CEMIP2: variants seen among roughly 807,000 people sequenced by gnomAD.
CEMIP2 encodes cell migration inducing hyaluronidase 2.
Under a neutral mutation model 146.9 loss-of-function variants are expected in CEMIP2, and 79 were observed. The ratio of observed to expected loss-of-function variants is 0.54; its 90% confidence interval spans 0.45 to 0.65. The LOEUF is 0.65. Among genes scored for constraint, CEMIP2 ranks in the 30% least tolerant of loss-of-function variants. CEMIP2 has a pLI of 0.00. For synonymous variants in CEMIP2, 601 were observed against 606.3 expected (o/e 0.99, Z 0.13); for missense variants, 1,596 against 1,696.2 (o/e 0.94, Z 1.04).
intron 9 of CEMIP2, 35 bp from the exon 10 acceptor site, chr9:71,729,949 T>G: frequency 6.2e-7 from 1 of 1,613,664 alleles, no homozygotes; most frequent in Non-Finnish European, 8.5e-7. Context: ...TTAAACATTC[T>G]TCATAAAAAC....
rs1563988894 is a variant in CEMIP2 at position 71,685,160 on chromosome 9, A to T, written c.*37T>A. The T allele has an allele frequency of 1.1e-5, 17 of 1,518,196 alleles. No homozygotes were observed. The highest frequency in any genetic ancestry group is 1.5e-5 in the Non-Finnish European group (17 of 1,125,606). 94.0% of individuals were successfully genotyped at this position (1,518,196 alleles called of 1,614,324 possible). On this transcript the variant is annotated 3_prime_UTR_variant, in exon 24 of 24. Coordinates refer to ENST00000377044, the MANE Select transcript of CEMIP2 (RefSeq NM_013390.3). ...CCATAAATTAAATAAGTTAGTTCACATTTTTTTTCCCCCAGCACTTAAGTT... is the reference window on the plus strand; with the variant it reads ...CCATAAATTAAATAAGTTAGTTCACTTTTTTTTTCCCCCAGCACTTAAGTT...
chr9:71,718,102 T>A (rs890087010), intron 12 of CEMIP2, 23 bp from the exon 13 acceptor site: 2 of 1,586,160 alleles, frequency 1.3e-6, no homozygotes, highest in Non-Finnish European at 1.7e-6. Flanking sequence ...AAAAGAATTT[T>A]AAAAAATATA....
intron 1 of CEMIP2, among the ~76,000 whole-genome samples, chr9:71,765,398 C>T (rs966628535): frequency 6.6e-6 from 1 of 152,190 alleles, no homozygotes; most frequent in Non-Finnish European, 1.5e-5. Flanking sequence ...ATCCCCAAAA[C>T]ATTCCCATAA....
chr9:71,710,890 C>G (rs1439774808), intron 16 of CEMIP2, among the ~76,000 whole-genome samples: 4 of 152,212 alleles, frequency 2.6e-5, no homozygotes, highest in African/African-American at 9.6e-5. Flanking sequence ...TGCCTCTGAT[C>G]CACACCCAAG....
Position 71,716,546 on chromosome 9 carries a change from T to G in CEMIP2, c.2406A>C (p.Ala802=). The change falls in exon 14 of 24, where the codon GCA becomes GCC. Residue 802 remains alanine, a synonymous_variant. Transcript: ENST00000377044. ...CAAAGGTCAGTCCTATTCCATTATCTGCAAATCTGTAAAAGAAGAGAGAAT... is the reference window on the plus strand; with the variant it reads ...CAAAGGTCAGTCCTATTCCATTATCGGCAAATCTGTAAAAGAAGAGAGAAT... The part of the protein sequence containing the change: ...GDIIVQNSAF[A]DNGIGLTFAS... 2 of 1,595,330 alleles carry G rather than the reference T, an allele frequency of 1.3e-6. No individual in the cohort carries two copies. Among genetic ancestry groups the G allele is most frequent in the Non-Finnish European group, 1.7e-6 (2 of 1,171,672 alleles).
At chr9:71,757,115 C>T (rs1824483076) in intron 1 of CEMIP2, among the ~76,000 whole-genome samples, 1 of 152,108 alleles carries the variant, frequency 6.6e-6, no homozygotes, top group African/African-American at 2.4e-5. Context: ...ATCATCAGTC[C>T]CCCAAATAAT....
chr9:71,763,166 A>G (rs1769408306), intron 1 of CEMIP2, among the ~76,000 whole-genome samples: 1 of 152,142 alleles, frequency 6.6e-6, no homozygotes, highest in South Asian at 2.1e-4. Context: ...CATTCCTAAA[A>G]TGTTAATAAT....
Position 71,712,173 on chromosome 9 carries a change from A to T in CEMIP2, c.2679T>A (p.Asp893Glu). ...STFKKYVPTP[D>E]RYSSAIGFLM... ...GGAAGCCAATTGCACTGCTGTACCT[A>T]TCTGGAGTTGGCACATATTTTTTGA... is the stretch of plus-strand genomic sequence containing the variant. The change falls in exon 16 of 24, where the codon GAT becomes GAA. Residue 893 changes from aspartate (D) to glutamate (E), a missense_variant. Physicochemically the swap from Asp to Glu is conservative, Grantham distance 45. Coordinates refer to ENST00000377044, the MANE Select transcript of CEMIP2 (RefSeq NM_013390.3). 1 of 1,614,142 alleles carries T rather than the reference A, an allele frequency of 6.2e-7. No homozygotes were observed. Among genetic ancestry groups the T allele is most frequent in the South Asian group, 1.1e-5 (1 of 91,078 alleles).
intron 16 of CEMIP2, among the ~76,000 whole-genome samples, chr9:71,711,874 G>A (rs2131908522): frequency 6.6e-6 from 1 of 152,290 alleles, no homozygotes; most frequent in East Asian, 1.9e-4. Flanking sequence ...TGACTTGAAT[G>A]TCAAACATAC....
At chr9:71,688,926 C>T (rs902446279) in intron 22 of CEMIP2, among the ~76,000 whole-genome samples, 1 of 152,148 alleles carries the variant, frequency 6.6e-6, no homozygotes, top group African/African-American at 2.4e-5. Context: ...TGAATTTTTG[C>T]AAACGAAACC....
chr9:71,728,231 C>CTCTATA lies in CEMIP2; in HGVS notation c.2049+1613_2049+1614insTATAGA, dbSNP rs1554684626. ...TCTCTCTCTCTCTCTCTCTCTCTCT[C>CTCTATA]TATATATATATATATATATGTATAT... is the stretch of plus-strand genomic sequence containing the variant. On this transcript the variant is annotated intron_variant, in intron 10 of 23. Coordinates refer to ENST00000377044, the MANE Select transcript of CEMIP2 (RefSeq NM_013390.3). Among the ~76,000 whole-genome samples the CTCTATA allele has an allele frequency of 1.4e-4, 2 of 14,774 alleles. 1 individual carries two copies. Among genetic ancestry groups the CTCTATA allele is most frequent in the African/African-American group, 4.5e-4 (2 of 4,400 alleles). 9.7% of individuals were successfully genotyped at this position (14,774 alleles called of 152,430 possible).
At chr9:71,733,742 C>T (rs185725021) in intron 6 of CEMIP2, among the ~76,000 whole-genome samples, 43 of 152,226 alleles carry the variant, frequency 2.8e-4, no homozygotes, top group Middle Eastern at 6.8e-3. Context: ...ATAAATGAAG[C>T]AATGTACAAA....
intron 4 of CEMIP2, among the ~76,000 whole-genome samples, chr9:71,744,591 A>C (rs1244408430): frequency 1.3e-5 from 2 of 152,234 alleles, no homozygotes; most frequent in Non-Finnish European, 2.9e-5. Flanking sequence ...CTACCCCCTC[A>C]GCCTTTTAAG....
chr9:71,728,738 A>G (rs926815506), intron 10 of CEMIP2, among the ~76,000 whole-genome samples: 3 of 152,050 alleles, frequency 2.0e-5, no homozygotes, highest in African/African-American at 7.2e-5. Context: ...CCCCCTGACC[A>G]GAGTGACAAC....
chr9:71,705,643 T>C (rs951034510), intron 17 of CEMIP2, among the ~76,000 whole-genome samples: 3 of 151,538 alleles, frequency 2.0e-5, no homozygotes, highest in African/African-American at 7.3e-5. Flanking sequence ...CTGACACCGC[T>C]TAAAGATTTA....
intron 8 of CEMIP2, 132 bp from the exon 9 acceptor site, chr9:71,730,385 T>A (rs1161088406): frequency 1.1e-6 from 1 of 877,658 alleles, no homozygotes; most frequent in Non-Finnish European, 1.7e-6. Flanking sequence ...ATGGGCAAAG[T>A]GAAATGTCAG....
At chr9:71,759,527 A>T (rs1273919426) in intron 1 of CEMIP2, among the ~76,000 whole-genome samples, 1 of 152,160 alleles carries the variant, frequency 6.6e-6, no homozygotes, top group Non-Finnish European at 1.5e-5. Context: ...AAGTTGTATG[A>T]TATCCTGAGG....
intron 5 of CEMIP2, among the ~76,000 whole-genome samples, chr9:71,736,292 G>A (rs1018004689): frequency 6.6e-6 from 1 of 151,954 alleles, no homozygotes; most frequent in Admixed American, 6.6e-5. Context: ...GTATTCTCTC[G>A]GTATACTGCC....
chr9:71,700,858 A>G, intron 18 of CEMIP2, 34 bp from the exon 19 acceptor site: 1 of 1,573,896 alleles, frequency 6.4e-7, no homozygotes. Flanking sequence ...ATTAGTTTAC[A>G]CTTCAGCCAT....
Sources: gnomAD v4.1 joint callset for allele counts (sites outside exome capture counted in the v4.1 genomes callset) on GRCh38, gnomAD v4.1.1 for gene constraint, MANE v1.5 for transcripts, NCBI Gene and HGNC (gene_info 2026-07-23, HGNC 2026-07-21) for gene names.